Variants in ELOVL1 observed in about 807,000 individuals in gnomAD.
ELOVL1 encodes very long chain fatty acid elongase 1.
In ELOVL1, 10 loss-of-function variants were observed where a neutral mutation model predicts 37.8. That is an observed-to-expected ratio of 0.26 (90% CI 0.16 to 0.45). The LOEUF (loss-of-function observed/expected upper bound fraction) is 0.45, where lower values mean the gene tolerates loss of function less well. ELOVL1 is among the 20% of genes least tolerant of loss of function. The probability of loss-of-function intolerance (pLI) is 1.00; values close to 1 mark genes in which losing one functional copy is unlikely to be tolerated. For synonymous variants in ELOVL1, 133 were observed against 123.8 expected, an observed-to-expected ratio of 1.07 and a Z score of -0.49; for missense variants, 256 against 352.7, an observed-to-expected ratio of 0.73 and a Z score of 2.20.
Position 43,364,892 on chromosome 1 carries a change from C to T in ELOVL1, c.318+36G>A. On this transcript the variant is annotated intron_variant, in intron 4 of 7. Transcript: ENST00000372458. This position sits in a 1 kb window ranked among gnomAD's most constrained non-coding sequence, Gnocchi z 5.2. Reference sequence around the variant, plus strand: ...CAGGCCCCAAACTGGTCATATCTACCAGGTTGCTTATGACCTAGCCCCAGC... The same window carrying T: ...CAGGCCCCAAACTGGTCATATCTACTAGGTTGCTTATGACCTAGCCCCAGC... 1 of 1,613,990 alleles carries T rather than the reference C, an allele frequency of 6.2e-7. No homozygotes were observed. Among genetic ancestry groups the T allele is most frequent in the Non-Finnish European group, 8.5e-7 (1 of 1,179,910 alleles).
rs1387356218 is a variant in ELOVL1 at position 43,363,644 on chromosome 1, A to G, written c.*272T>C. 4.1e-6 allele frequency: 2 copies of G among 487,730 alleles called. No homozygotes were observed. Among genetic ancestry groups the G allele is most frequent in the Non-Finnish European group, 7.4e-6 (2 of 269,878 alleles). 30.2% of individuals were successfully genotyped at this position (487,730 alleles called of 1,614,324 possible). A position where few individuals can be genotyped will look rare whatever the true frequency, so the allele number is the denominator to read the frequency against. ...TCCTCTCCCAAGTTTTAAGGCAGGG[A>G]GGGGGAAATAACTGTACAGCCCTTT... On this transcript the variant is annotated 3_prime_UTR_variant, in exon 8 of 8. Transcript: ENST00000372458.
In ELOVL1 at chr1:43,363,599, G is replaced by A. The variant is rs1291559066; in HGVS notation, c.*317C>T. The A allele has an allele frequency of 2.4e-6, 1 of 414,342 alleles. No individual in the cohort carries two copies. The highest frequency in any genetic ancestry group is 2.0e-5 in the African/African-American group (1 of 49,824). The allele number at this position is 414,342 out of a possible 1,614,324, so 25.7% of individuals were successfully genotyped here. A position where few individuals can be genotyped will look rare whatever the true frequency, so the allele number is the denominator to read the frequency against. ...GAGGAAAAAGGCCACGAGACCCTTT[G>A]TGGGGCCAGCCCTGAGTGCTCCTCT... On this transcript the variant is annotated 3_prime_UTR_variant, in exon 8 of 8. Transcript: ENST00000372458.
chr1:43,365,198 G>A lies in ELOVL1; in HGVS notation c.225C>T (p.Tyr75=). The change falls in exon 3 of 8, where the codon TAC becomes TAT. Residue 75 remains tyrosine (Y), a synonymous_variant. Coordinates refer to ENST00000372458, the MANE Select transcript of ELOVL1 (RefSeq NM_022821.4). ...CCCAGGGGCCCACCTCATAGACAAT[G>A]TAGAGGGAGAGTGCCACCAGTGAGA... is the stretch of plus-strand genomic sequence containing the variant. ...YNFSLVALSL[Y]IVYEFLMSGW... is the part of the protein sequence containing the mutation. 6.2e-7 allele frequency: 1 copy of A among 1,614,146 alleles called. No homozygotes were observed. The highest frequency in any genetic ancestry group is 8.5e-7 in the Non-Finnish European group (1 of 1,180,006).
In ELOVL1 at chr1:43,364,968, C is replaced by T; in HGVS notation, c.278G>A (p.Cys93Tyr). 1 of 1,614,004 alleles carries T rather than the reference C, an allele frequency of 6.2e-7. No individual in the cohort carries two copies. The highest frequency in any genetic ancestry group is 2.2e-5 in the East Asian group (1 of 44,860). Residue 93 changes from cysteine to tyrosine, a missense_variant, in exon 4 of 8, where the codon TGT becomes TAT. Physicochemically the swap from Cys to Tyr is radical, Grantham distance 194. Around this residue, in one of 3 missense-constraint regions of ELOVL1, gnomAD observed 158 missense variants for 189.4 expected, o/e 0.83. Transcript: ENST00000372458. This position sits in a 1 kb window ranked among gnomAD's most constrained non-coding sequence, Gnocchi z 5.2. ...GCTGTTGGAATAGTCCACAGGGTCA[C>T]AGCGCCAGGTATAGGTGCTCAGCCA... Reference protein sequence around the residue: ...SGWLSTYTWRCDPVDYSNSPE... With the variant: ...SGWLSTYTWRYDPVDYSNSPE...
chr1:43,364,649 T>G lies in ELOVL1; in HGVS notation c.376-2A>C. The G allele has an allele frequency of 6.2e-7, 1 of 1,614,130 alleles. No individual in the cohort carries two copies. Among genetic ancestry groups the G allele is most frequent in the Non-Finnish European group, 8.5e-7 (1 of 1,179,996 alleles). On this transcript the variant is annotated splice_acceptor_variant, in intron 5 of 7. Coordinates refer to ENST00000372458, the MANE Select transcript of ELOVL1 (RefSeq NM_022821.4). LOFTEE classifies it high-confidence loss of function. This position sits in a 1 kb window ranked among gnomAD's most constrained non-coding sequence, Gnocchi z 5.2. Reference sequence around the variant, plus strand: ...TTTCTTTCGGAGAATAAAGATCACCTGAGAGAAGAGTGAGGGAAGGGGATT... The same window carrying G: ...TTTCTTTCGGAGAATAAAGATCACCGGAGAGAAGAGTGAGGGAAGGGGATT...
intron 1 of ELOVL1, 48 bp from the exon 2 acceptor site, chr1:43,365,671 C>A (rs941256599): frequency 6.4e-7 from 1 of 1,574,178 alleles, no homozygotes. Context: ...ACTGCACACC[C>A]CCATCCCACA....
chr1:43,365,462 C>A, intron 2 of ELOVL1, 86 bp from the exon 3 acceptor site: 1 of 1,610,304 alleles, frequency 6.2e-7, no homozygotes, highest in South Asian at 1.1e-5. Flanking sequence ...GAGGTCAGGT[C>A]ACAGGATCAA....
chr1:43,364,220 A>C lies in ELOVL1; in HGVS notation c.619-83T>G, dbSNP rs1201236192. 5 of 1,609,728 alleles carry C rather than the reference A, an allele frequency of 3.1e-6. No individual in the cohort carries two copies. Among genetic ancestry groups the C allele is most frequent in the Non-Finnish European group, 1.7e-6 (2 of 1,177,216 alleles). ...GGGGTAGAGAAAGAGACAAACGTTG[A>C]GTAGGGAGAGATGGGGTCAAAGGTG... On this transcript the variant is annotated intron_variant, in intron 7 of 7. Transcript: ENST00000372458. This position sits in a 1 kb window ranked among gnomAD's most constrained non-coding sequence, Gnocchi z 5.2.
In ELOVL1 at chr1:43,364,705, CCTCAAGTT is replaced by C; in HGVS notation, c.375+25_375+32del. ...CCTGGGCTTCTCCACCTCATTCTCC[CCTCAAGTT>C]CTCACATCTCATATAACTACTCACT... On this transcript the variant is annotated intron_variant, in intron 5 of 7. Coordinates refer to ENST00000372458, the MANE Select transcript of ELOVL1 (RefSeq NM_022821.4). The surrounding 1 kb of genome is among the most constrained non-coding windows in gnomAD (Gnocchi z 5.2). The C allele has an allele frequency of 6.2e-7, 1 of 1,614,144 alleles. No homozygotes were observed. The highest frequency in any genetic ancestry group is 8.5e-7 in the Non-Finnish European group (1 of 1,180,006).
chr1:43,364,335 C>G lies in ELOVL1; in HGVS notation c.607G>C (p.Ala203Pro). The change falls in exon 7 of 8, where the codon GCC becomes CCC. Residue 203 changes from alanine to proline, a missense_variant. By Grantham distance (27) the Ala-to-Pro change is conservative (BLOSUM62 -1). Coordinates refer to ENST00000372458, the MANE Select transcript of ELOVL1 (RefSeq NM_022821.4). The surrounding 1 kb of genome is among the most constrained non-coding windows in gnomAD (Gnocchi z 5.2). ...GCCAAGCCCCTCACCAGCTGAATGG[C>G]TGTCATGTGCTTTTTCCACCAAAGG... The part of the protein sequence containing the change: ...PYLWWKKHMT[A>P]IQLIQFVLVS... The G allele has an allele frequency of 1.2e-6, 2 of 1,614,142 alleles. No homozygotes were observed. The highest frequency in any genetic ancestry group is 1.7e-6 in the Non-Finnish European group (2 of 1,180,036).
intron 2 of ELOVL1, 31 bp downstream of exon 2, chr1:43,365,533 G>T: frequency 6.2e-7 from 1 of 1,614,130 alleles, no homozygotes; most frequent in African/African-American, 1.3e-5. Context: ...CGGGAAAGAA[G>T]GAAGGAAAGG....
At position 43,363,659 on chromosome 1, in the gene ELOVL1, T is replaced by A. The variant is rs997226308; in HGVS notation, c.*257A>T. The stretch of plus-strand genomic sequence containing the variant: ...TAAGGCAGGGAGGGGGAAATAACTG[T>A]ACAGCCCTTTTAGCCCCCAGCTCTG... On this transcript the variant is annotated 3_prime_UTR_variant, in exon 8 of 8. Coordinates refer to ENST00000372458, the MANE Select transcript of ELOVL1 (RefSeq NM_022821.4). The A allele has an allele frequency of 1.1e-5, 6 of 529,226 alleles. No individual in the cohort carries two copies. The highest frequency in any genetic ancestry group is 3.2e-5 in the Admixed American group (1 of 31,004). 32.8% of individuals were successfully genotyped at this position (529,226 alleles called of 1,614,324 possible). A position where few individuals can be genotyped will look rare whatever the true frequency, so the allele number is the denominator to read the frequency against.
At position 43,364,521 on chromosome 1, in the gene ELOVL1, A is replaced by G. The variant is rs555073940; in HGVS notation, c.481+21T>C. On this transcript the variant is annotated intron_variant, in intron 6 of 7. Transcript: ENST00000372458. The surrounding 1 kb of genome is among the most constrained non-coding windows in gnomAD (Gnocchi z 5.2). ...CAGCCTCTGGTGCCCACCCTTTCCC[A>G]TAGTGGCCTTCACCACTCACCCGGG... 2 of 1,614,086 alleles carry G rather than the reference A, an allele frequency of 1.2e-6. No individual in the cohort carries two copies. The highest frequency in any genetic ancestry group is 2.2e-5 in the East Asian group (1 of 44,882).
At position 43,363,760 on chromosome 1, in the gene ELOVL1, C is replaced by CT. The variant is rs1647187725; in HGVS notation, c.*155dup. The CT allele has an allele frequency of 4.4e-6, 3 of 678,700 alleles. No individual in the cohort carries two copies. The highest frequency in any genetic ancestry group is 2.7e-5 in the Admixed American group (1 of 37,454). The allele number at this position is 678,700 out of a possible 1,614,324, so 42.0% of individuals were successfully genotyped here. A position where few individuals can be genotyped will look rare whatever the true frequency, so the allele number is the denominator to read the frequency against. On this transcript the variant is annotated 3_prime_UTR_variant, in exon 8 of 8. Transcript: ENST00000372458. ...GGGTGAGGAACCAAAGCCGTGGTCC[C>CT]TGTAGAGCAGCTGTGGGGAGGGGAG...
In ELOVL1 at chr1:43,365,566, G is replaced by A; in HGVS notation, c.44C>T (p.Ala15Val). ...AGGGCTGGTGGATAGCGTCTTACCT[G>A]CGTGCTTCATCACCTCTTGGTACAA... Reference protein sequence around the residue: ...VNLYQEVMKHADPRIQGYPLM... With the variant: ...VNLYQEVMKHVDPRIQGYPLM... Residue 15 changes from alanine (A) to valine (V), a missense_variant and splice_region_variant, in exon 2 of 8, where the codon GCA (alanine) becomes GTA (valine). Ala to Val is a moderately conservative substitution (Grantham distance 64). Around this residue, in one of 3 missense-constraint regions of ELOVL1, gnomAD observed 158 missense variants for 189.4 expected, o/e 0.83. Coordinates refer to ENST00000372458, the MANE Select transcript of ELOVL1 (RefSeq NM_022821.4). 6.2e-7 allele frequency: 1 copy of A among 1,614,116 alleles called. No homozygotes were observed. Among genetic ancestry groups the A allele is most frequent in the Middle Eastern group, 1.6e-4 (1 of 6,062 alleles).
At position 43,365,331 on chromosome 1, in the gene ELOVL1, A is replaced by T; in HGVS notation, c.92T>A (p.Met31Lys). 1 of 1,613,758 alleles carries T rather than the reference A, an allele frequency of 6.2e-7. No homozygotes were observed. The change falls in exon 3 of 8, where the codon ATG becomes AAG. Residue 31 changes from methionine to lysine, a missense_variant. Met to Lys is a moderately conservative substitution (Grantham distance 95). Coordinates refer to ENST00000372458, the MANE Select transcript of ELOVL1 (RefSeq NM_022821.4). ...CACGTAGGTCAGGAGAATGGAGGTC[A>T]TTAGCAAGGGGGACCCCATCAGAGG... ...GYPLMGSPLL[M>K]TSILLTYVYF...
rs977033100 is a variant in ELOVL1 at position 43,364,365 on chromosome 1, G to T, written c.577C>A (p.Pro193Thr). The part of the protein sequence containing the change: ...GLSAFGPVAQ[P>T]YLWWKKHMTA... ...ATGTGCTTTTTCCACCAAAGGTAGGGTTGTGCCACAGGGCCAAAGGCAGAT... is the reference window on the plus strand; with the variant it reads ...ATGTGCTTTTTCCACCAAAGGTAGGTTTGTGCCACAGGGCCAAAGGCAGAT... Residue 193 changes from proline to threonine, a missense_variant, in exon 7 of 8, where the codon CCC becomes ACC. By Grantham distance (38) the Pro-to-Thr change is conservative. Coordinates refer to ENST00000372458, the MANE Select transcript of ELOVL1 (RefSeq NM_022821.4). This position sits in a 1 kb window ranked among gnomAD's most constrained non-coding sequence, Gnocchi z 5.2. 2 of 1,614,060 alleles carry T rather than the reference G, an allele frequency of 1.2e-6. No individual in the cohort carries two copies. The highest frequency in any genetic ancestry group is 1.7e-5 in the Admixed American group (1 of 60,008).
At position 43,365,190 on chromosome 1, in the gene ELOVL1, T is replaced by C. The variant is rs988970942; in HGVS notation, c.233A>G (p.Tyr78Cys). ...CCCGGCATCCCAGGGGCCCACCTCA[T>C]AGACAATGTAGAGGGAGAGTGCCAC... is the stretch of plus-strand genomic sequence containing the variant. The part of the protein sequence containing the change: ...SLVALSLYIV[Y>C]EFLMSGWLST... Residue 78 changes from tyrosine (Y) to cysteine (C), a missense_variant, in exon 3 of 8, where the codon TAT (tyrosine) becomes TGT (cysteine). Tyr to Cys is a radical substitution (Grantham distance 194). Coordinates refer to ENST00000372458, the MANE Select transcript of ELOVL1 (RefSeq NM_022821.4). The C allele has an allele frequency of 1.2e-6, 2 of 1,613,882 alleles. No individual in the cohort carries two copies. Among genetic ancestry groups the C allele is most frequent in the Admixed American group, 3.3e-5 (2 of 60,002 alleles).
intron 1 of ELOVL1, 25 bp from the exon 2 acceptor site, chr1:43,365,648 T>A: frequency 1.2e-6 from 2 of 1,612,342 alleles, no homozygotes; most frequent in Non-Finnish European, 1.7e-6. Context: ...AGGGCGGATG[T>A]CAGACAGATC....
Sources: gnomAD v4.1 joint callset for allele counts on GRCh38, gnomAD v4.1.1 for gene constraint, gnomAD v4.1.1 regional missense constraint, Gnocchi (gnomAD v3.1) non-coding constraint, MANE v1.5 for transcripts, NCBI Gene and HGNC (gene_info 2026-07-23, HGNC 2026-07-21) for gene names.